Variants in MYO1E observed in about 807,000 individuals in gnomAD.
MYO1E encodes the protein unconventional myosin-Ie.
Under a neutral mutation model 151.1 loss-of-function variants are expected in MYO1E, and 68 were observed. The observed-to-expected ratio is 0.45, with a 90% confidence interval of 0.37 to 0.55. The LOEUF is 0.55. Among genes scored for constraint, MYO1E ranks in the 20% least tolerant of loss-of-function variants. The pLI, the probability that MYO1E is intolerant of heterozygous loss-of-function variation, is 0.00. For synonymous variants in MYO1E, 601 were observed against 501.7 expected, an observed-to-expected ratio of 1.20 and a Z score of -2.64; for missense variants, 1,363 against 1,389.3, an observed-to-expected ratio of 0.98 and a Z score of 0.30.
At chr15:59,336,465 C>T (rs1173466251) in intron 1 of MYO1E, among the ~76,000 whole-genome samples, 1 of 152,054 alleles carries the variant, frequency 6.6e-6, no homozygotes, top group African/African-American at 2.4e-5. Flanking sequence ...AGCAGTCAGG[C>T]TTTCATAAGT....
intron 14 of MYO1E, among the ~76,000 whole-genome samples, chr15:59,206,367 G>C (rs11852272): frequency 0.088 from 13,456 of 152,220 alleles, 735 homozygotes; most frequent in African/African-American, 0.16. Flanking sequence ...CTACCCTGCT[G>C]AAGCCCCAGC....
At chr15:59,186,580 T>C (rs2079699508) in intron 18 of MYO1E, among the ~76,000 whole-genome samples, 1 of 152,136 alleles carries the variant, frequency 6.6e-6, no homozygotes, top group African/African-American at 2.4e-5. Context: ...AGCGAGACCC[T>C]GTCTCTACGA....
At chr15:59,331,140 G>A (rs80225860) in intron 1 of MYO1E, among the ~76,000 whole-genome samples, 3,669 of 152,240 alleles carry the variant, frequency 0.024, 133 homozygotes, top group African/African-American at 0.082. Context: ...GCAGAGTTGA[G>A]TAGCTGTGAC....
At chr15:59,152,098 G>A (rs1027410946) in intron 26 of MYO1E, among the ~76,000 whole-genome samples, 2 of 151,824 alleles carry the variant, frequency 1.3e-5, no homozygotes, top group African/African-American at 2.4e-5. Flanking sequence ...GTGTGGTGGT[G>A]CGTGCCTGTA....
At position 59,188,421 on chromosome 15, in the gene MYO1E, C is replaced by T. The variant is rs554466811; in HGVS notation, c.1806-205G>A. ...ATTGAAATACAGCAATTAGGCTGGG[C>T]GCAGTGGCTCACACCTGTAATTCCA... On this transcript the variant is annotated intron_variant, in intron 17 of 27. Transcript: ENST00000288235. Among the ~76,000 whole-genome samples the T allele has an allele frequency of 1.6e-4, 25 of 152,246 alleles. No individual in the cohort carries two copies. The East Asian group carries it at 2.3e-3, about 14-fold the overall frequency.
chr15:59,215,284 G>C (rs2079906313), intron 10 of MYO1E, among the ~76,000 whole-genome samples: 1 of 152,140 alleles, frequency 6.6e-6, no homozygotes, highest in Non-Finnish European at 1.5e-5. Flanking sequence ...ATTCACCTTT[G>C]CCAGGGTTTG....
intron 26 of MYO1E, among the ~76,000 whole-genome samples, chr15:59,142,054 C>A (rs1358915262): frequency 6.7e-6 from 1 of 149,950 alleles, no homozygotes; most frequent in East Asian, 2.0e-4. Context: ...TTGCAGTGAG[C>A]CGAGAGCGTG....
intron 5 of MYO1E, among the ~76,000 whole-genome samples, chr15:59,232,787 G>T (rs1176953050): frequency 6.6e-6 from 1 of 152,208 alleles, no homozygotes; most frequent in Non-Finnish European, 1.5e-5. Flanking sequence ...GGTCGTAGGG[G>T]TGTAGCAAAG....
chr15:59,203,656 G>A (rs2079815808), intron 15 of MYO1E, among the ~76,000 whole-genome samples: 3 of 152,198 alleles, frequency 2.0e-5, no homozygotes, highest in Non-Finnish European at 4.4e-5. Context: ...TTACAGGCAT[G>A]AGCCACTGCA....
intron 15 of MYO1E, among the ~76,000 whole-genome samples, chr15:59,203,586 C>G (rs11071413): frequency 0.4 from 60,200 of 151,922 alleles, 12,457 homozygotes; most frequent in East Asian, 0.61. Flanking sequence ...ATGTTGGCCA[C>G]AGTGGTCTCG....
At chr15:59,291,362 C>T (rs1027859475) in intron 1 of MYO1E, among the ~76,000 whole-genome samples, 5 of 152,080 alleles carry the variant, frequency 3.3e-5, no homozygotes, top group South Asian at 2.1e-4. Context: ...GGTGTGACTA[C>T]ATGTCAATTC....
At chr15:59,278,302 T>C (rs756954170) in intron 1 of MYO1E, among the ~76,000 whole-genome samples, 22 of 152,218 alleles carry the variant, frequency 1.4e-4, no homozygotes, top group Non-Finnish European at 2.9e-4. Context: ...AGATAAACCA[T>C]ATTCTTACGG....
chr15:59,348,237 T>G (rs1177043705), intron 1 of MYO1E, among the ~76,000 whole-genome samples: 1 of 152,192 alleles, frequency 6.6e-6, no homozygotes, highest in East Asian at 1.9e-4. Flanking sequence ...TTACCTTTTG[T>G]AAAGTCCCCT....
At chr15:59,249,635 A>C (rs1167760968) in intron 4 of MYO1E, among the ~76,000 whole-genome samples, 17 of 152,110 alleles carry the variant, frequency 1.1e-4, no homozygotes, top group East Asian at 1.9e-4. Context: ...GAAGTCTAAA[A>C]CACCACCATA....
intron 7 of MYO1E, 21 bp from the exon 8 acceptor site, chr15:59,224,844 T>C (rs765363846): frequency 1.1e-5 from 17 of 1,613,954 alleles, no homozygotes; most frequent in Non-Finnish European, 1.4e-5. Context: ...AGAACACAGG[T>C]TGAGCCATGA....
intron 1 of MYO1E, among the ~76,000 whole-genome samples, chr15:59,346,542 AATT>A (rs2080795175): frequency 6.6e-6 from 1 of 152,190 alleles, no homozygotes; most frequent in Non-Finnish European, 1.5e-5. Flanking sequence ...CTATGGATAA[AATT>A]ATTAATATTT....
intron 22 of MYO1E, among the ~76,000 whole-genome samples, chr15:59,163,761 G>A (rs529568976): frequency 1.3e-5 from 2 of 152,272 alleles, no homozygotes; most frequent in East Asian, 3.9e-4. Flanking sequence ...AGAATCATAA[G>A]CTCGGTTCTC....
intron 1 of MYO1E, among the ~76,000 whole-genome samples, chr15:59,288,596 T>C (rs1422296245): frequency 1.3e-5 from 2 of 152,228 alleles, no homozygotes; most frequent in Non-Finnish European, 2.9e-5. Flanking sequence ...ACTGGGATAC[T>C]ACTAGCCACT....
chr15:59,227,369 CCTAGA>C, intron 7 of MYO1E, 85 bp downstream of exon 7: 4 of 1,527,852 alleles, frequency 2.6e-6, no homozygotes, highest in Non-Finnish European at 3.6e-6. Flanking sequence ...TCCCTGGCTT[CCTAGA>C]CTATAGTCTA....
Sources: gnomAD v4.1 joint callset for allele counts (sites outside exome capture counted in the v4.1 genomes callset) on GRCh38, gnomAD v4.1.1 for gene constraint, MANE v1.5 for transcripts, NCBI Gene and HGNC (gene_info 2026-07-23, HGNC 2026-07-21) for gene names.